The following FAT1 variants were observed in gnomAD, a reference collection of about 807,000 sequenced individuals.
FAT1 encodes FAT atypical cadherin 1, also known as protocadherin Fat 1.
A neutral mutation model predicts 329.8 loss-of-function variants in FAT1; 171 were observed. The observed-to-expected ratio is 0.52, with a 90% confidence interval of 0.46 to 0.59. The LOEUF is 0.59. Among genes scored for constraint, FAT1 ranks in the 20% least tolerant of loss-of-function variants. FAT1 has a pLI of 0.00. For synonymous variants in FAT1, 2,233 were observed against 2,228.6 expected (o/e 1.00, Z -0.06); for missense variants, 5,672 against 5,774.4 (o/e 0.98, Z 0.57).
intron 1 of FAT1, among the ~76,000 whole-genome samples, chr4:186,720,225 G>T (rs1357379583): frequency 6.6e-6 from 1 of 152,162 alleles, no homozygotes; most frequent in African/African-American, 2.4e-5. Flanking sequence ...TTTGTTTCCT[G>T]CCCTCCACTC....
intron 17 of FAT1, among the ~76,000 whole-genome samples, chr4:186,605,526 G>A (rs1332354339): frequency 7.7e-6 from 1 of 129,472 alleles, no homozygotes; most frequent in African/African-American, 3.0e-5. Flanking sequence ...GGAGGGGAGT[G>A]GGGAGGAGGA....
Position 186,610,810 on chromosome 4 carries a change from G to T in FAT1, c.9853+576C>A, listed in dbSNP as rs145758822. Among the ~76,000 whole-genome samples the T allele has an allele frequency of 8.1e-4, 122 of 150,408 alleles. 1 individual carries two copies. Among genetic ancestry groups the T allele is most frequent in the Non-Finnish European group, 1.5e-3 (99 of 67,714 alleles). Reference sequence around the variant, plus strand: ...GTTTTAAGACTTAGGACTATTTTAGGCCACAGGTTAGCAAGATGATGAAGC... The same window carrying T: ...GTTTTAAGACTTAGGACTATTTTAGTCCACAGGTTAGCAAGATGATGAAGC... On this transcript the variant is annotated intron_variant, in intron 14 of 26. Coordinates refer to ENST00000441802, the MANE Select transcript of FAT1 (RefSeq NM_005245.4).
chr4:186,638,498 G>A (rs1740941030), intron 4 of FAT1, among the ~76,000 whole-genome samples: 2 of 151,960 alleles, frequency 1.3e-5, no homozygotes, highest in Non-Finnish European at 2.9e-5. Flanking sequence ...ATGAATTCAA[G>A]CGAACTTTAC....
intron 3 of FAT1, among the ~76,000 whole-genome samples, chr4:186,644,110 G>A (rs1229895720): frequency 2.0e-5 from 3 of 152,174 alleles, no homozygotes; most frequent in Non-Finnish European, 4.4e-5. Flanking sequence ...CCAGGAGTAG[G>A]ATTTCGTTCT....
At chr4:186,632,771 G>A (rs1740654538) in intron 7 of FAT1, among the ~76,000 whole-genome samples, 1 of 152,204 alleles carries the variant, frequency 6.6e-6, no homozygotes, top group African/African-American at 2.4e-5. Flanking sequence ...CAGATGATCT[G>A]TCTTGCTTAG....
At chr4:186,685,051 C>T (rs1743396902) in intron 2 of FAT1, among the ~76,000 whole-genome samples, 1 of 152,164 alleles carries the variant, frequency 6.6e-6, no homozygotes, top group Non-Finnish European at 1.5e-5. Flanking sequence ...CAGCCACAGT[C>T]TCAAAGCCAG....
intron 9 of FAT1, among the ~76,000 whole-genome samples, chr4:186,624,606 T>G (rs766919390): frequency 9.2e-5 from 14 of 152,126 alleles, no homozygotes; most frequent in Non-Finnish European, 1.5e-4. Context: ...AACTCAATGG[T>G]TACTGAAAAT....
chr4:186,629,673 C>T (rs1245167745), intron 7 of FAT1, among the ~76,000 whole-genome samples: 1 of 152,256 alleles, frequency 6.6e-6, no homozygotes, highest in African/African-American at 2.4e-5. Flanking sequence ...CGGTCAACCA[C>T]ATGGTGCAGG....
At chr4:186,594,918 T>C (rs542368986) in intron 26 of FAT1, among the ~76,000 whole-genome samples, 3 of 152,056 alleles carry the variant, frequency 2.0e-5, no homozygotes, top group Admixed American at 2.0e-4. Context: ...ATTACGTTTA[T>C]ACAATAAAAA....
chr4:186,606,335 C>A lies in FAT1; in HGVS notation c.10207-122G>T, dbSNP rs1739135906. 3 of 1,020,140 alleles carry A rather than the reference C, an allele frequency of 2.9e-6. No individual in the cohort carries two copies. The Admixed American group carries it at 7.5e-5, about 26-fold the overall frequency. The allele number at this position is 1,020,140 out of a possible 1,614,324, so 63.2% of individuals were successfully genotyped here. The stretch of plus-strand genomic sequence containing the variant: ...AGTGAGCTACCACTATCTGTTGCAT[C>A]CTGCCTGTGAGCGATGCCCTAATCT... On this transcript the variant is annotated intron_variant, in intron 16 of 26. Coordinates refer to ENST00000441802, the MANE Select transcript of FAT1 (RefSeq NM_005245.4).
chr4:186,633,287 GGAATCCAAAAAAAAGTGATTTAGAA>G (rs1740672948), intron 7 of FAT1, among the ~76,000 whole-genome samples: 1 of 151,814 alleles, frequency 6.6e-6, no homozygotes. Flanking sequence ...ATAGCCAGGA[GGAATCCAAAAAAAAGTGATTTAGAA>G]GATTAATCAC....
intron 14 of FAT1, among the ~76,000 whole-genome samples, chr4:186,611,132 TTTGA>T (rs1467409612): frequency 6.6e-6 from 1 of 152,188 alleles, no homozygotes. Context: ...AACATGCTGC[TTTGA>T]TTTTCTATTT....
chr4:186,618,255 G>A lies in FAT1; in HGVS notation c.8331C>T (p.Ser2777=), dbSNP rs758436501. The change falls in exon 10 of 27, where the codon TCC becomes TCT. Residue 2777 remains serine (S), a synonymous_variant. Coordinates refer to ENST00000441802, the MANE Select transcript of FAT1 (RefSeq NM_005245.4). ...CATCTTGAGTGCACCTGGCCAGTAT[G>A]GAAAACTGATACCACTTAGTTGTCT... ...DHETTKWYQF[S]ILARCTQDDH... 16 of 1,613,982 alleles carry A rather than the reference G, an allele frequency of 9.9e-6. No individual in the cohort carries two copies. The highest frequency in any genetic ancestry group is 1.7e-6 in the Non-Finnish European group (2 of 1,179,902).
chr4:186,701,431 A>G (rs1429481381), intron 2 of FAT1, among the ~76,000 whole-genome samples: 1 of 152,196 alleles, frequency 6.6e-6, no homozygotes, highest in Non-Finnish European at 1.5e-5. Flanking sequence ...GAACATAAAG[A>G]GCCAAGAGGA....
At chr4:186,612,671 T>C (rs964366772) in intron 13 of FAT1, among the ~76,000 whole-genome samples, 2 of 152,230 alleles carry the variant, frequency 1.3e-5, no homozygotes, top group Admixed American at 1.3e-4. Context: ...AAGAAGTTAT[T>C]CTCTGCTATC....
upstream of FAT1, chr4:186,726,676 C>T (rs1425876376): frequency 6.6e-6 from 1 of 152,202 alleles, no homozygotes; most frequent in Non-Finnish European, 1.5e-5. Context: ...GAGTTGCGGC[C>T]GCCGGCTGCG....
intron 4 of FAT1, among the ~76,000 whole-genome samples, chr4:186,637,776 CA>C (rs1311915391): frequency 1.3e-5 from 2 of 152,086 alleles, no homozygotes; most frequent in Middle Eastern, 3.2e-3. Context: ...ACTGAATTAC[CA>C]AAACACTAAA....
rs752527804 is a variant in FAT1, at chr4:186,618,328, A to T, written c.8258T>A (p.Ile2753Asn). ...PESNRDESFV[I>N]DRQSGRLKLE... ...CTTCAGTCTCCCGCTCTGTCTGTCA[A>T]TCACAAAGGACTCATCCCTATTGCT... The change falls in exon 10 of 27, where the codon ATT becomes AAT. Residue 2753 changes from isoleucine (I) to asparagine (N), a missense_variant. By Grantham distance (149) the Ile-to-Asn change is moderately radical. Around this residue, in one of 2 missense-constraint regions of FAT1, gnomAD observed 3,966 missense variants for 3,915.2 expected, o/e 1.01. Coordinates refer to ENST00000441802, the MANE Select transcript of FAT1 (RefSeq NM_005245.4). 1.2e-6 allele frequency: 2 copies of T among 1,614,028 alleles called. No individual in the cohort carries two copies. The highest frequency in any genetic ancestry group is 1.7e-6 in the Non-Finnish European group (2 of 1,179,902).
chr4:186,625,601 A>G (rs1293735949), intron 9 of FAT1, among the ~76,000 whole-genome samples: 5 of 152,264 alleles, frequency 3.3e-5, no homozygotes, highest in African/African-American at 1.2e-4. Context: ...CTTAAAAAAG[A>G]AAACAAGTTA....
Sources: allele counts gnomAD v4.1 joint callset (sites outside exome capture counted in the v4.1 genomes callset), GRCh38; gene constraint gnomAD v4.1.1; regional missense constraint gnomAD v4.1.1; transcripts MANE v1.5; gene names NCBI Gene and HGNC (gene_info 2026-07-23, HGNC 2026-07-21).